CCNH: variants seen among roughly 807,000 people sequenced by gnomAD.
The protein encoded by CCNH is cyclin-H.
In CCNH, 31 loss-of-function variants were observed where a neutral mutation model predicts 41.9. That is an observed-to-expected ratio of 0.74 (90% CI 0.56 to 1.00). The LOEUF (loss-of-function observed/expected upper bound fraction) is 1.00. Ranked by LOEUF, CCNH falls within the 50% of genes least tolerant of loss-of-function variation. The pLI, the probability that CCNH is intolerant of heterozygous loss-of-function variation, is 0.00. For missense variants in CCNH, 362 were observed against 388.4 expected (o/e 0.93, Z 0.57); for synonymous variants, 138 against 136.1 (o/e 1.01, Z -0.10).
intron 7 of CCNH, 105 bp downstream of exon 7, chr5:87,399,289 T>C: frequency 1.3e-6 from 1 of 778,564 alleles, no homozygotes; most frequent in Non-Finnish European, 2.2e-6. Context: ...ATTTTATGGA[T>C]CAGTCAGCTT....
chr5:87,339,822 A>G (rs1430443541), intron 9 of CCNH, among the ~76,000 whole-genome samples: 2 of 152,140 alleles, frequency 1.3e-5, no homozygotes, highest in Non-Finnish European at 2.9e-5. Flanking sequence ...CAATATGTAG[A>G]ATAACTTTCA....
chr5:87,364,650 T>G (rs1760369738), intron 9 of CCNH, among the ~76,000 whole-genome samples: 1 of 152,124 alleles, frequency 6.6e-6, no homozygotes, highest in African/African-American at 2.4e-5. Flanking sequence ...TGTGGTTGAT[T>G]CAGGCCTCTG....
At chr5:87,339,607 A>G (rs1006967724) in intron 9 of CCNH, among the ~76,000 whole-genome samples, 1 of 152,112 alleles carries the variant, frequency 6.6e-6, no homozygotes, top group Non-Finnish European at 1.5e-5. Flanking sequence ...AGAAAAGTGA[A>G]AATTACTCAA....
At chr5:87,387,193 A>T (rs1762119162), downstream of CCNH, among the ~76,000 whole-genome samples, 1 of 152,048 alleles carries the variant, frequency 6.6e-6, no homozygotes, top group Non-Finnish European at 1.5e-5. Flanking sequence ...TAAAGCTATC[A>T]CATCTGACTG....
chr5:87,333,351 T>A, intron 9 of CCNH: 1 of 1,612,406 alleles, frequency 6.2e-7, no homozygotes, highest in Non-Finnish European at 8.5e-7. Flanking sequence ...TTTTATAATC[T>A]ATTCTCATGT....
chr5:87,406,025 T>A (rs552704748), intron 4 of CCNH, among the ~76,000 whole-genome samples: 14 of 152,270 alleles, frequency 9.2e-5, no homozygotes, highest in Admixed American at 3.3e-4. Context: ...TCTCCTATTT[T>A]TCAGTGACTG....
chr5:87,402,877 G>A (rs1561350481), intron 5 of CCNH, among the ~76,000 whole-genome samples: 1 of 152,042 alleles, frequency 6.6e-6, no homozygotes, highest in Non-Finnish European at 1.5e-5. Context: ...TTGGTGCTAA[G>A]AGTTGGCTGA....
At chr5:87,318,250 T>C (rs548069803), downstream of CCNH, among the ~76,000 whole-genome samples, 72 of 152,194 alleles carry the variant, frequency 4.7e-4, no homozygotes, top group Admixed American at 4.1e-3. Context: ...TATATAAAAA[T>C]CAGCAAAATT....
chr5:87,376,926 G>A lies in CCNH; in HGVS notation n.255C>T, dbSNP rs748479550. ...TCATGTAGTCTATGCTTTATCACAT[G>A]TATGTGGACAAGACCGAACACTACT... On this transcript the variant is annotated non_coding_transcript_exon_variant, in exon 1 of 1. Transcript: ENST00000607486. 3.1e-6 allele frequency: 5 copies of A among 1,610,522 alleles called. No homozygotes were observed. The highest frequency in any genetic ancestry group is 1.7e-4 in the Middle Eastern group (1 of 6,044).
intron 9 of CCNH, among the ~76,000 whole-genome samples, chr5:87,352,149 C>A (rs1451638858): frequency 2.6e-5 from 4 of 151,558 alleles, no homozygotes; most frequent in African/African-American, 9.7e-5. Flanking sequence ...TTTCACCACA[C>A]CCCTCTGTGG....
intron 9 of CCNH, among the ~76,000 whole-genome samples, chr5:87,343,604 C>T (rs1758635202): frequency 6.6e-6 from 1 of 152,078 alleles, no homozygotes; most frequent in Non-Finnish European, 1.5e-5. Context: ...AAAGGGAAGC[C>T]TTGTACCCTG....
intron 9 of CCNH, chr5:87,385,186 G>T: frequency 1.4e-6 from 1 of 739,016 alleles, no homozygotes. Flanking sequence ...AGTTCCGAAT[G>T]GAAGAATGGG....
intron 1 of CCNH, 102 bp from the exon 2 acceptor site, chr5:87,411,448 C>A (rs1580470374): frequency 8.9e-7 from 1 of 1,127,492 alleles, no homozygotes; most frequent in Non-Finnish European, 1.2e-6. Context: ...ATATATCCAA[C>A]GAAGGGTATA....
At chr5:87,392,081 G>C (rs963741244), downstream of CCNH, 5 of 323,466 alleles carry the variant, frequency 1.5e-5, no homozygotes, top group African/African-American at 2.2e-5. Context: ...TTTTATAAAT[G>C]CAATAATTCC....
At chr5:87,365,222 T>C (rs888776326) in intron 9 of CCNH, among the ~76,000 whole-genome samples, 7 of 152,120 alleles carry the variant, frequency 4.6e-5, no homozygotes, top group African/African-American at 1.7e-4. Flanking sequence ...TAAAATCCTA[T>C]TGTAGTAGAG....
chr5:87,412,589 A>T, intron 1 of CCNH, 89 bp downstream of exon 1: 1 of 1,538,554 alleles, frequency 6.5e-7, no homozygotes, highest in Non-Finnish European at 8.8e-7. Context: ...GAAACGACGG[A>T]GCGAGATTGT....
chr5:87,394,998 T>C lies in CCNH; in HGVS notation c.933+46A>G, dbSNP rs752154096. The C allele has an allele frequency of 2.7e-5, 43 of 1,612,168 alleles. No homozygotes were observed. The East Asian group carries it at 9.4e-4, about 35-fold the overall frequency. Reference sequence around the variant, plus strand: ...TCTTAACAGTATAGTCACACCAGAATGTATAACAAAAATAACTTAGAGTTC... The same window carrying C: ...TCTTAACAGTATAGTCACACCAGAACGTATAACAAAAATAACTTAGAGTTC... On this transcript the variant is annotated intron_variant, in intron 8 of 8. Transcript: ENST00000256897.
chr5:87,389,405 C>T (rs1762309240), downstream of CCNH: 4 of 1,614,118 alleles, frequency 2.5e-6, no homozygotes, highest in Admixed American at 1.7e-5. Flanking sequence ...TGTACCTGAA[C>T]TTCCGGACAC....
At chr5:87,409,158 A>C (rs1057395165) in intron 3 of CCNH, 132 bp downstream of exon 3, 1 of 443,136 alleles carries the variant, frequency 2.3e-6, no homozygotes, top group Non-Finnish European at 4.0e-6. Flanking sequence ...ATAGAATTCA[A>C]GTCTAAATTA....
Sources: allele counts gnomAD v4.1 joint callset (sites outside exome capture counted in the v4.1 genomes callset), GRCh38; gene constraint gnomAD v4.1.1; transcripts MANE v1.5; gene names NCBI Gene and HGNC (gene_info 2026-07-23, HGNC 2026-07-21).